The following WDFY2 variants were observed in gnomAD, a reference collection of about 807,000 sequenced individuals.
WDFY2 encodes the protein WD repeat and FYVE domain-containing protein 2.
Under a neutral mutation model 56.4 loss-of-function variants are expected in WDFY2, and 36 were observed. The ratio of observed to expected loss-of-function variants is 0.64; its 90% CI spans 0.49 to 0.84. The LOEUF (loss-of-function observed/expected upper bound fraction) is 0.84, where lower values mean the gene tolerates loss of function less well. Among genes scored for constraint, WDFY2 ranks in the 40% least tolerant of loss-of-function variants. The pLI is 0.00. For missense variants in WDFY2, 444 were observed against 512.2 expected, an observed-to-expected ratio of 0.87 and a Z score of 1.29; for synonymous variants, 176 against 183.7, an observed-to-expected ratio of 0.96 and a Z score of 0.34.
intron 1 of WDFY2, among the ~76,000 whole-genome samples, chr13:51,613,740 G>A (rs2138340336): frequency 6.6e-6 from 1 of 152,128 alleles, no homozygotes. Flanking sequence ...GCTAAAACAA[G>A]CCATGTGGTG....
chr13:51,671,188 A>G (rs1436152832), intron 2 of WDFY2, among the ~76,000 whole-genome samples: 1 of 151,954 alleles, frequency 6.6e-6, no homozygotes, highest in East Asian at 1.9e-4. Context: ...GTGTGTGAGT[A>G]TGTTTTTCGT....
intron 2 of WDFY2, among the ~76,000 whole-genome samples, chr13:51,670,203 T>G (rs150311756): frequency 6.6e-6 from 1 of 152,230 alleles, no homozygotes; most frequent in African/African-American, 2.4e-5. Context: ...CTTGCATGGG[T>G]GGGAGCCCAT....
chr13:51,740,614 T>C (rs1243020221), intron 7 of WDFY2, among the ~76,000 whole-genome samples: 1 of 150,202 alleles, frequency 6.7e-6, no homozygotes, highest in African/African-American at 2.5e-5. Context: ...CTCGGGAGGC[T>C]GAGGCAGGAC....
At chr13:51,671,673 C>T (rs1955808407) in intron 2 of WDFY2, among the ~76,000 whole-genome samples, 1 of 151,410 alleles carries the variant, frequency 6.6e-6, no homozygotes, top group Admixed American at 6.6e-5. Flanking sequence ...TTTTTTCCCA[C>T]TCTTTGGGTT....
intron 10 of WDFY2, chr13:51,756,727 G>A (rs1434568265): frequency 1.2e-6 from 1 of 803,010 alleles, no homozygotes; most frequent in East Asian, 1.3e-4. Flanking sequence ...GCTGCTCCCA[G>A]AACAAACCCT....
At position 51,629,618 on chromosome 13, in the gene WDFY2, C is replaced by T. The variant is rs75672353; in HGVS notation, c.138-30978C>T. 5.0e-3 allele frequency among the ~76,000 whole-genome samples: 755 copies of T among 152,242 alleles called. 5 individuals are homozygous for T. The highest frequency in any genetic ancestry group is 0.014 in the African/African-American group (593 of 41,550). On this transcript the variant is annotated intron_variant, in intron 1 of 11. Transcript: ENST00000298125. The stretch of plus-strand genomic sequence containing the variant: ...CATAGAGGATAATCATTAATAACAT[C>T]ATGAGCTTCCTTTTTATACAAAACT...
intron 1 of WDFY2, among the ~76,000 whole-genome samples, chr13:51,638,828 C>G (rs1193188293): frequency 6.6e-6 from 1 of 152,168 alleles, no homozygotes; most frequent in African/African-American, 2.4e-5. Flanking sequence ...TACGGAATGG[C>G]CTTTGGCGAA....
rs1953785066 is a variant in WDFY2 at position 51,767,449 on chromosome 13, G to C, written c.*7680G>C. 1 of 152,238 alleles carries C rather than the reference G, an allele frequency of 6.6e-6. No individual in the cohort carries two copies. Among genetic ancestry groups the C allele is most frequent in the South Asian group, 2.1e-4 (1 of 4,828 alleles). 9.4% of individuals were successfully genotyped at this position (152,238 alleles called of 1,614,324 possible). A position where few individuals can be genotyped will look rare whatever the true frequency, so the allele number is the denominator to read the frequency against. On this transcript the variant is annotated 3_prime_UTR_variant, in exon 12 of 12. Transcript: ENST00000298125. ...AGAGTGTCTCCAGGACCACTGAGAA[G>C]CTGCAGCCGTCTGGGTTTTCCTCTG...
intron 1 of WDFY2, among the ~76,000 whole-genome samples, chr13:51,623,058 A>G (rs558392203): frequency 6.6e-6 from 1 of 151,978 alleles, no homozygotes; most frequent in Non-Finnish European, 1.5e-5. Flanking sequence ...GGGTTTTGCC[A>G]TGTTGGCCAG....
At chr13:51,752,326 C>T (rs139050040) in intron 8 of WDFY2, among the ~76,000 whole-genome samples, 96 of 152,280 alleles carry the variant, frequency 6.3e-4, no homozygotes, top group African/African-American at 2.2e-3. Flanking sequence ...ATGATCATTA[C>T]TGTTAGAAGG....
intron 1 of WDFY2, among the ~76,000 whole-genome samples, chr13:51,620,510 A>C (rs1954705109): frequency 6.6e-6 from 1 of 151,784 alleles, no homozygotes; most frequent in South Asian, 2.1e-4. Context: ...CTCTTGCCCT[A>C]GTGGTCCCTG....
chr13:51,651,146 G>T (rs1955375645), intron 1 of WDFY2, among the ~76,000 whole-genome samples: 1 of 152,084 alleles, frequency 6.6e-6, no homozygotes, highest in Admixed American at 6.5e-5. Context: ...TTCTTGGGAG[G>T]GTGTATGTGT....
At chr13:51,592,881 G>A (rs965132002) in intron 1 of WDFY2, among the ~76,000 whole-genome samples, 20 of 152,074 alleles carry the variant, frequency 1.3e-4, no homozygotes, top group Admixed American at 1.1e-3. Context: ...CAGCACTTTG[G>A]GAGGCTGAGG....
intron 4 of WDFY2, among the ~76,000 whole-genome samples, chr13:51,707,378 C>T (rs1467005919): frequency 6.6e-6 from 1 of 152,066 alleles, no homozygotes. Context: ...AGGCTGGTCT[C>T]GAACTCCTAA....
At chr13:51,629,615 C>T (rs948859785) in intron 1 of WDFY2, among the ~76,000 whole-genome samples, 4 of 152,066 alleles carry the variant, frequency 2.6e-5, no homozygotes, top group Admixed American at 2.0e-4. Context: ...TCATTAATAA[C>T]ATCATGAGCT....
chr13:51,671,197 G>A (rs957667367), intron 2 of WDFY2, among the ~76,000 whole-genome samples: 11 of 152,078 alleles, frequency 7.2e-5, no homozygotes, highest in Admixed American at 5.2e-4. Flanking sequence ...TATGTTTTTC[G>A]TATAATGACT....
At chr13:51,743,737 T>A (rs1309662184) in intron 7 of WDFY2, among the ~76,000 whole-genome samples, 4 of 152,164 alleles carry the variant, frequency 2.6e-5, no homozygotes, top group Non-Finnish European at 5.9e-5. Context: ...GCTAGAAGTA[T>A]GAAAATAGGC....
intron 9 of WDFY2, 35 bp downstream of exon 9, chr13:51,755,494 A>G (rs559207341): frequency 2.5e-6 from 4 of 1,587,864 alleles, no homozygotes; most frequent in African/African-American, 2.7e-5. Context: ...AAATGTAATT[A>G]TATGGAAATA....
chr13:51,740,314 GTCATCAGT>G (rs755451326), intron 7 of WDFY2, among the ~76,000 whole-genome samples: 10 of 152,224 alleles, frequency 6.6e-5, no homozygotes, highest in Non-Finnish European at 1.5e-4. Flanking sequence ...CTCAGACCTT[GTCATCAGT>G]TCATTAGAGG....
Sources: gnomAD v4.1 joint callset for allele counts (sites outside exome capture counted in the v4.1 genomes callset) on GRCh38, gnomAD v4.1.1 for gene constraint, MANE v1.5 for transcripts, NCBI Gene and HGNC (gene_info 2026-07-23, HGNC 2026-07-21) for gene names.